The following PSD3 variants were observed in gnomAD, a reference collection of about 807,000 sequenced individuals.
The protein encoded by PSD3 is PH and SEC7 domain-containing protein 3.
PSD3 carries 49 observed loss-of-function variants against 105.5 expected under a neutral mutation model. That is an observed-to-expected ratio of 0.46 (90% CI 0.37 to 0.59). PSD3 has a LOEUF of 0.59. PSD3 is among the 20% of genes least tolerant of loss of function. The pLI is 0.00. For synonymous variants in PSD3, 557 were observed against 457.8 expected (o/e 1.22, Z -2.77); for missense variants, 1,561 against 1,263.8 (o/e 1.24, Z -3.57).
At chr8:18,616,687 G>C (rs1805707347) in intron 11 of PSD3, among the ~76,000 whole-genome samples, 1 of 138,538 alleles carries the variant, frequency 7.2e-6, no homozygotes. Flanking sequence ...GCAGTGGCGG[G>C]ATCTCGGCTC....
chr8:18,989,182 C>A (rs907253959), intron 1 of PSD3: 5 of 152,180 alleles, frequency 3.3e-5, no homozygotes, highest in African/African-American at 7.2e-5. Context: ...CCAGTGAGCA[C>A]CTCCTGTGCA....
chr8:18,566,972 G>C (rs540558098), intron 14 of PSD3, among the ~76,000 whole-genome samples: 1 of 152,078 alleles, frequency 6.6e-6, no homozygotes, highest in South Asian at 2.1e-4. Context: ...TCATTTTCAC[G>C]TACATATCAC....
chr8:18,879,205 G>T (rs1441060386), intron 2 of PSD3, among the ~76,000 whole-genome samples: 4 of 152,090 alleles, frequency 2.6e-5, no homozygotes, highest in Non-Finnish European at 5.9e-5. Flanking sequence ...ATGTCCCTCA[G>T]AAAGGGGCAG....
chr8:18,906,156 G>A (rs1563405790), intron 2 of PSD3, among the ~76,000 whole-genome samples: 2 of 152,094 alleles, frequency 1.3e-5, no homozygotes, highest in African/African-American at 4.8e-5. Context: ...AGACATCCTT[G>A]AGAAAGCTAC....
intron 4 of PSD3, among the ~76,000 whole-genome samples, chr8:18,867,416 A>G (rs1272603061): frequency 6.6e-6 from 1 of 152,162 alleles, no homozygotes; most frequent in Non-Finnish European, 1.5e-5. Flanking sequence ...TCATCCCCAA[A>G]TATTTGTTTG....
At chr8:18,688,260 G>C (rs1446756547) in intron 9 of PSD3, among the ~76,000 whole-genome samples, 1 of 151,774 alleles carries the variant, frequency 6.6e-6, no homozygotes, top group Non-Finnish European at 1.5e-5. Context: ...CAGGCTGTTT[G>C]TTTGTTTGTT....
chr8:18,622,774 A>G (rs908198778), intron 11 of PSD3, among the ~76,000 whole-genome samples: 1 of 152,166 alleles, frequency 6.6e-6, no homozygotes, highest in African/African-American at 2.4e-5. Flanking sequence ...TCTCCAGTAC[A>G]GGCAGCATCT....
chr8:18,974,510 T>C (rs921932470), intron 1 of PSD3, among the ~76,000 whole-genome samples: 3 of 152,126 alleles, frequency 2.0e-5, no homozygotes, highest in Non-Finnish European at 1.5e-5. Context: ...GGCTTTCCAC[T>C]ACCAAATCCT....
intron 1 of PSD3, among the ~76,000 whole-genome samples, chr8:19,079,318 C>G (rs1424793536): frequency 1.3e-5 from 2 of 152,190 alleles, no homozygotes; most frequent in African/African-American, 4.8e-5. Flanking sequence ...CCCATCAATA[C>G]TGACTCCTAA....
At chr8:18,606,889 T>C (rs191806417) in intron 11 of PSD3, among the ~76,000 whole-genome samples, 174 of 152,354 alleles carry the variant, frequency 1.1e-3, no homozygotes, top group African/African-American at 4.1e-3. Flanking sequence ...TTCAGGTAGG[T>C]ATTATTGTCT....
intron 4 of PSD3, among the ~76,000 whole-genome samples, chr8:18,860,641 A>G (rs1472702982): frequency 6.6e-6 from 1 of 152,160 alleles, no homozygotes; most frequent in African/African-American, 2.4e-5. Flanking sequence ...ACACCTTCAG[A>G]GAACAATTTA....
chr8:18,909,235 C>T (rs1820045856), intron 2 of PSD3, among the ~76,000 whole-genome samples: 1 of 152,162 alleles, frequency 6.6e-6, no homozygotes, highest in South Asian at 2.1e-4. Flanking sequence ...TGTAAAATAG[C>T]TTGCAAAGCT....
intron 2 of PSD3, among the ~76,000 whole-genome samples, chr8:18,930,561 C>G (rs1367077605): frequency 6.9e-6 from 1 of 145,720 alleles, no homozygotes. Context: ...TCTTAACTAA[C>G]TTTTTCAATT....
intron 14 of PSD3, among the ~76,000 whole-genome samples, chr8:18,558,625 A>C (rs1801218285): frequency 1.3e-5 from 2 of 152,292 alleles, no homozygotes; most frequent in South Asian, 4.1e-4. Flanking sequence ...GTTTGAGACC[A>C]GCCTGACTAA....
intron 1 of PSD3, among the ~76,000 whole-genome samples, chr8:18,976,909 G>A (rs990871037): frequency 6.6e-6 from 1 of 152,156 alleles, no homozygotes; most frequent in Non-Finnish European, 1.5e-5. Flanking sequence ...ATATGTGGCT[G>A]TTATAGAGAA....
Position 18,936,100 on chromosome 8 carries a change from G to A in PSD3, c.64C>T (p.Gln22Ter). The A allele has an allele frequency of 1.2e-6, 2 of 1,613,196 alleles. No individual in the cohort carries two copies. Among genetic ancestry groups the A allele is most frequent in the South Asian group, 1.1e-5 (1 of 91,056 alleles). Residue 22 changes from glutamine (Q) to a stop codon, truncating the protein, a stop_gained, in exon 2 of 16, where the codon CAG becomes TAG. Coordinates refer to ENST00000327040, the MANE Select transcript of PSD3 (RefSeq NM_015310.4). LOFTEE classifies it high-confidence loss of function. The part of the protein sequence containing the change: ...VWVNNASAHS[Q>*]SVAKAKYEFL... Reference sequence around the variant, plus strand: ...TCATATTTGGCCTTGGCAACACTCTGGGAATGTGCAGATGCATTGTTCACC... The same window carrying A: ...TCATATTTGGCCTTGGCAACACTCTAGGAATGTGCAGATGCATTGTTCACC...
At chr8:18,863,885 A>C (rs1816635515) in intron 4 of PSD3, among the ~76,000 whole-genome samples, 1 of 152,210 alleles carries the variant, frequency 6.6e-6, no homozygotes, top group Non-Finnish European at 1.5e-5. Context: ...AGGATGGCTG[A>C]GCCCAAGACT....
intron 1 of PSD3, among the ~76,000 whole-genome samples, chr8:19,046,604 CT>C (rs955574986): frequency 9.2e-5 from 14 of 152,184 alleles, no homozygotes. Flanking sequence ...TTCTTTCTGC[CT>C]TTTGAAATGC....
At chr8:18,621,363 G>A (rs1319960010) in intron 11 of PSD3, among the ~76,000 whole-genome samples, 9 of 152,102 alleles carry the variant, frequency 5.9e-5, no homozygotes, top group African/African-American at 1.2e-4. Context: ...AGCTGACATC[G>A]TGCCACTGCA....
Sources: allele counts gnomAD v4.1 joint callset (sites outside exome capture counted in the v4.1 genomes callset), GRCh38; gene constraint gnomAD v4.1.1; transcripts MANE v1.5; gene names NCBI Gene and HGNC (gene_info 2026-07-23, HGNC 2026-07-21).